SF3A2: variants seen among roughly 807,000 people sequenced by gnomAD.
SF3A2 encodes splicing factor 3a subunit 2, also known as SAP 62.
In SF3A2, 5 loss-of-function variants were observed where a neutral mutation model predicts 31.1. The ratio of observed to expected loss-of-function variants is 0.16; its 90% CI spans 0.08 to 0.34. SF3A2 has a LOEUF of 0.34. Among genes scored for constraint, SF3A2 ranks in the 10% least tolerant of loss-of-function variants. SF3A2 has a pLI of 1.00. For missense variants in SF3A2, 577 were observed against 643.9 expected, an observed-to-expected ratio of 0.90 and a Z score of 1.13; for synonymous variants, 365 against 263.7, an observed-to-expected ratio of 1.38 and a Z score of -3.72.
Position 2,245,693 on chromosome 19 carries a change from C to G in SF3A2, c.355+138C>G, listed in dbSNP as rs895800005. On this transcript the variant is annotated intron_variant, in intron 5 of 8. Transcript: ENST00000221494. This position sits in a 1 kb window ranked among gnomAD's most constrained non-coding sequence, Gnocchi z 4.2. The stretch of plus-strand genomic sequence containing the variant: ...TTCCGGCCTTGGTGGCCGTCCCTCA[C>G]CCACCTGCAGCCTCTGGCGTTGTGT... 5 of 677,624 alleles carry G rather than the reference C, an allele frequency of 7.4e-6. No individual in the cohort carries two copies. The highest frequency in any genetic ancestry group is 1.8e-5 in the African/African-American group (1 of 56,548). 42.0% of individuals were successfully genotyped at this position (677,624 alleles called of 1,614,324 possible). A position where few individuals can be genotyped will look rare whatever the true frequency, so the allele number is the denominator to read the frequency against.
chr19:2,239,111 TC>T (rs2024866343), intron 1 of SF3A2, among the ~76,000 whole-genome samples: 1 of 152,228 alleles, frequency 6.6e-6, no homozygotes. Context: ...ACGCCTGTAA[TC>T]CCAGCACTTT....
Position 2,247,010 on chromosome 19 carries a change from C to T in SF3A2, c.534C>T (p.Thr178=), listed in dbSNP as rs370982323. ...TCATGGCCGCCGAGCCCTACGAGAC[C>T]ATTGCCTTCAAGGTAGCGTGGCTGC... ...YLLMAAEPYE[T]IAFKVPSREI... Residue 178 remains threonine, a synonymous_variant, in exon 7 of 9, where the codon ACC becomes ACT. Coordinates refer to ENST00000221494, the MANE Select transcript of SF3A2 (RefSeq NM_007165.5). The T allele has an allele frequency of 1.4e-6, 2 of 1,436,796 alleles. No homozygotes were observed. Among genetic ancestry groups the T allele is most frequent in the African/African-American group, 1.9e-5 (1 of 53,036 alleles). The allele number at this position is 1,436,796 out of a possible 1,614,324, so 89.0% of individuals were successfully genotyped here.
At position 2,248,391 on chromosome 19, in the gene SF3A2, G is replaced by C. The variant is rs1343926079; in HGVS notation, c.1240G>C (p.Val414Leu). 7.2e-7 allele frequency: 1 copy of C among 1,379,580 alleles called. No individual in the cohort carries two copies. The highest frequency in any genetic ancestry group is 9.3e-7 in the Non-Finnish European group (1 of 1,070,918). 85.5% of individuals were successfully genotyped at this position (1,379,580 alleles called of 1,614,324 possible). ...APGVHPQPPG[V>L]HPSAPGVHPQ... is the part of the protein sequence containing the mutation. ...GGGGGTCCACCCCCAACCTCCCGGG[G>C]TCCATCCGTCGGCTCCTGGGGTCCA... Residue 414 changes from valine to leucine, a missense_variant, in exon 9 of 9, where the codon GTC becomes CTC. Coordinates refer to ENST00000221494, the MANE Select transcript of SF3A2 (RefSeq NM_007165.5).
Position 2,248,032 on chromosome 19 carries a change from T to C in SF3A2, c.881T>C (p.Val294Ala). Reference protein sequence around the residue: ...APGVHPPAPVVHPPASGVHPP... With the variant: ...APGVHPPAPVAHPPASGVHPP... The stretch of plus-strand genomic sequence containing the variant: ...GGGGTCCACCCCCCGGCCCCAGTGG[T>C]GCATCCCCCTGCATCTGGGGTCCAT... The change falls in exon 9 of 9, where the codon GTG becomes GCG. Residue 294 changes from valine to alanine, a missense_variant. Val to Ala is a moderately conservative substitution (Grantham distance 64). Around this residue, in one of 6 missense-constraint regions of SF3A2, gnomAD observed 462 missense variants for 339.1 expected, o/e 1.36. Transcript: ENST00000221494. 1.1e-6 allele frequency: 1 copy of C among 883,256 alleles called. No homozygotes were observed. The highest frequency in any genetic ancestry group is 1.7e-6 in the Non-Finnish European group (1 of 576,506). 54.7% of individuals were successfully genotyped at this position (883,256 alleles called of 1,614,324 possible). A position where few individuals can be genotyped will look rare whatever the true frequency, so the allele number is the denominator to read the frequency against.
At chr19:2,244,367 C>T (rs2024914794) in intron 2 of SF3A2, among the ~76,000 whole-genome samples, 177 bp from the exon 3 acceptor site, 1 of 152,192 alleles carries the variant, frequency 6.6e-6, no homozygotes, top group African/African-American at 2.4e-5. Flanking sequence ...CTCACGAAGG[C>T]CTCCCGCTGG....
rs1395746278 is a variant in SF3A2 at position 2,246,723 on chromosome 19, G to A, written c.356-30G>A. ...TCCTCAGCTTCGGAGAGGACAAGCA[G>A]CCGGGACCTGAGAGCTTTCTGTGTT... On this transcript the variant is annotated intron_variant, in intron 5 of 8. Transcript: ENST00000221494. The surrounding 1 kb of genome is among the most constrained non-coding windows in gnomAD (Gnocchi z 5.5). 3 of 1,613,728 alleles carry A rather than the reference G, an allele frequency of 1.9e-6. No homozygotes were observed. The highest frequency in any genetic ancestry group is 1.7e-6 in the Non-Finnish European group (2 of 1,179,886).
rs1426202235 is a variant in SF3A2 at position 2,247,997 on chromosome 19, G to A, written c.846G>A (p.Pro282=). ...SGPPGPPQLP[P]PAPGVHPPAP... The stretch of plus-strand genomic sequence containing the variant: ...CCCCGGGACCACCCCAGCTACCCCC[G>A]CCAGCTCCAGGGGTCCACCCCCCGG... Residue 282 remains proline, a synonymous_variant, in exon 9 of 9, where the codon CCG becomes CCA. Transcript: ENST00000221494. The A allele has an allele frequency of 1.8e-5, 15 of 832,360 alleles. No individual in the cohort carries two copies. Among genetic ancestry groups the A allele is most frequent in the African/African-American group, 2.6e-5 (1 of 38,776 alleles). 51.6% of individuals were successfully genotyped at this position (832,360 alleles called of 1,614,324 possible).
intron 1 of SF3A2, among the ~76,000 whole-genome samples, chr19:2,238,162 C>T (rs150503591): frequency 1.3e-5 from 2 of 152,276 alleles, no homozygotes; most frequent in African/African-American, 4.8e-5. Flanking sequence ...TAGCTGGGAT[C>T]ACAGGTGCTC....
At chr19:2,242,650 C>T (rs1325339901) in intron 1 of SF3A2, among the ~76,000 whole-genome samples, 1 of 152,200 alleles carries the variant, frequency 6.6e-6, no homozygotes, top group Non-Finnish European at 1.5e-5. Context: ...ACCCTTAAAC[C>T]AGGGCCCGGG....
At chr19:2,241,157 G>C (rs554363443) in intron 1 of SF3A2, among the ~76,000 whole-genome samples, 1 of 152,184 alleles carries the variant, frequency 6.6e-6, no homozygotes, top group Non-Finnish European at 1.5e-5. Flanking sequence ...CCTTCATGAC[G>C]AAAGGAGCAG....
At chr19:2,242,458 C>A (rs556411484) in intron 1 of SF3A2, among the ~76,000 whole-genome samples, 14 of 152,300 alleles carry the variant, frequency 9.2e-5, no homozygotes, top group African/African-American at 3.4e-4. Flanking sequence ...CTCAGCCTCC[C>A]GCCTCCTCTC....
chr19:2,244,579 T>C lies in SF3A2; in HGVS notation c.162T>C (p.Tyr54=), dbSNP rs370407512. ...TCATGAAGAACCACCTGGGCTCCTA[T>C]GAATGCAAACTCTGCCTGACACTTC... ...PYFMKNHLGS[Y]ECKLCLTLHN... Residue 54 remains tyrosine, a synonymous_variant, in exon 3 of 9, where the codon TAT becomes TAC. Transcript: ENST00000221494. 2.7e-5 allele frequency: 44 copies of C among 1,614,036 alleles called. No homozygotes were observed. Among genetic ancestry groups the C allele is most frequent in the Middle Eastern group, 1.6e-4 (1 of 6,084 alleles).
At chr19:2,241,536 C>T (rs1038601205) in intron 1 of SF3A2, among the ~76,000 whole-genome samples, 8 of 152,312 alleles carry the variant, frequency 5.3e-5, no homozygotes, top group South Asian at 2.1e-4. Flanking sequence ...CAATCCTGCC[C>T]GCCTGTGGGC....
At chr19:2,241,898 T>C (rs1599651735) in intron 1 of SF3A2, among the ~76,000 whole-genome samples, 1 of 152,208 alleles carries the variant, frequency 6.6e-6, no homozygotes, top group African/African-American at 2.4e-5. Context: ...GAACTTCTGA[T>C]GGGGCAGCCG....
intron 1 of SF3A2, among the ~76,000 whole-genome samples, chr19:2,240,115 C>A (rs1866809358): frequency 6.6e-6 from 1 of 152,168 alleles, no homozygotes; most frequent in African/African-American, 2.4e-5. Context: ...GGTGTGGGGA[C>A]CCTGAATGTC....
Position 2,247,578 on chromosome 19 carries a change from T to TC in SF3A2, c.547-11dup, listed in dbSNP as rs546338067. 3.2e-4 allele frequency: 513 copies of TC among 1,612,648 alleles called. 2 individuals carry two copies. In the East Asian group the frequency reaches 0.011, roughly 35 times the overall value. ...TCACAGGGACCAGGAGCCCTCTCTG[T>TC]CCCCCGCCCTCCCAGGTGCCGAGCA... On this transcript the variant is annotated splice_polypyrimidine_tract_variant and intron_variant, in intron 7 of 8. Coordinates refer to ENST00000221494, the MANE Select transcript of SF3A2 (RefSeq NM_007165.5).
In SF3A2 at chr19:2,248,021, G is replaced by A. The variant is rs60862139; in HGVS notation, c.870G>A (p.Pro290=). Residue 290 remains proline, a synonymous_variant, in exon 9 of 9, where the codon CCG becomes CCA. Transcript: ENST00000221494. ...LPPPAPGVHP[P]APVVHPPASG... Reference sequence around the variant, plus strand: ...CGCCAGCTCCAGGGGTCCACCCCCCGGCCCCAGTGGTGCATCCCCCTGCAT... The same window carrying A: ...CGCCAGCTCCAGGGGTCCACCCCCCAGCCCCAGTGGTGCATCCCCCTGCAT... The A allele has an allele frequency of 0.038, 28,181 of 736,102 alleles. 1,268 individuals carry two copies. Among genetic ancestry groups the A allele is most frequent in the African/African-American group, 0.23 (8,385 of 36,700 alleles). 45.6% of individuals were successfully genotyped at this position (736,102 alleles called of 1,614,324 possible).
Position 2,245,322 on chromosome 19 carries a change from C to T in SF3A2, c.246-124C>T. 1.5e-6 allele frequency: 1 copy of T among 687,898 alleles called. No homozygotes were observed. The highest frequency in any genetic ancestry group is 2.5e-6 in the Non-Finnish European group (1 of 400,688). 42.6% of individuals were successfully genotyped at this position (687,898 alleles called of 1,614,324 possible). A position where few individuals can be genotyped will look rare whatever the true frequency, so the allele number is the denominator to read the frequency against. On this transcript the variant is annotated intron_variant, in intron 4 of 8. Coordinates refer to ENST00000221494, the MANE Select transcript of SF3A2 (RefSeq NM_007165.5). This position sits in a 1 kb window ranked among gnomAD's most constrained non-coding sequence, Gnocchi z 4.2. Reference sequence around the variant, plus strand: ...CAAACCCCAGGGCCCCTCCCAGGCCCCTGGCCCTCCTCATCTCTCAGCTTG... The same window carrying T: ...CAAACCCCAGGGCCCCTCCCAGGCCTCTGGCCCTCCTCATCTCTCAGCTTG...
At chr19:2,238,221 G>A (rs1012069160) in intron 1 of SF3A2, among the ~76,000 whole-genome samples, 2 of 152,060 alleles carry the variant, frequency 1.3e-5, no homozygotes, top group Non-Finnish European at 2.9e-5. Flanking sequence ...ACGAGGTTTC[G>A]CCATGTTGCC....
Sources: allele counts gnomAD v4.1 joint callset (sites outside exome capture counted in the v4.1 genomes callset), GRCh38; gene constraint gnomAD v4.1.1; regional missense constraint gnomAD v4.1.1; non-coding constraint Gnocchi (gnomAD v3.1); transcripts MANE v1.5; gene names NCBI Gene and HGNC (gene_info 2026-07-23, HGNC 2026-07-21).